The following SGCZ variants were observed in gnomAD, a reference collection of about 807,000 sequenced individuals.
SGCZ encodes zeta-sarcoglycan.
SGCZ carries 40 observed loss-of-function variants against 41.3 expected under a neutral mutation model. The ratio of observed to expected loss-of-function variants is 0.97; its 90% CI spans 0.75 to 1.26. The LOEUF is 1.26. SGCZ is among the 50% of genes most tolerant of loss of function. The pLI, the probability that SGCZ is intolerant of heterozygous loss-of-function variation, is 0.00. For missense variants in SGCZ, 552 were observed against 369.8 expected (o/e 1.49, Z -4.04); for synonymous variants, 206 against 137.5 (o/e 1.50, Z -3.49).
chr8:15,050,216 A>G (rs908575150), intron 1 of SGCZ, among the ~76,000 whole-genome samples: 1 of 152,208 alleles, frequency 6.6e-6, no homozygotes, highest in African/African-American at 2.4e-5. Flanking sequence ...TGATGGTACC[A>G]TATGTAGGCA....
At chr8:14,479,727 A>ATTTCTTTT (rs1244101937) in intron 2 of SGCZ, among the ~76,000 whole-genome samples, 2 of 109,390 alleles carry the variant, frequency 1.8e-5, no homozygotes, top group Admixed American at 2.1e-4. Flanking sequence ...CCAGAATTCT[A>ATTTCTTTT]CTTCTTTTTT....
At chr8:15,112,298 ATTTGT>A (rs1182056105) in intron 1 of SGCZ, among the ~76,000 whole-genome samples, 1 of 152,206 alleles carries the variant, frequency 6.6e-6, no homozygotes, top group African/African-American at 2.4e-5. Context: ...TGCTATTTAA[ATTTGT>A]TTTATCTTCA....
At chr8:15,176,151 C>G (rs945200685) in intron 1 of SGCZ, among the ~76,000 whole-genome samples, 6 of 152,066 alleles carry the variant, frequency 3.9e-5, no homozygotes, top group African/African-American at 1.4e-4. Context: ...TCTTACACAC[C>G]AAACTCAAAG....
chr8:15,140,219 C>A (rs1808270496), intron 1 of SGCZ, among the ~76,000 whole-genome samples: 1 of 152,012 alleles, frequency 6.6e-6, no homozygotes, highest in Non-Finnish European at 1.5e-5. Context: ...GACAAAGGGC[C>A]TCTCTTTATT....
chr8:14,834,794 G>C (rs145639654), intron 1 of SGCZ, among the ~76,000 whole-genome samples: 19 of 152,274 alleles, frequency 1.2e-4, no homozygotes, highest in Middle Eastern at 3.4e-3. Context: ...AAAGAGCACA[G>C]AACTTTGTGA....
chr8:14,542,640 A>G (rs1176823815), intron 2 of SGCZ, among the ~76,000 whole-genome samples: 2 of 152,080 alleles, frequency 1.3e-5, no homozygotes, highest in African/African-American at 4.8e-5. Context: ...CTCTTAAACC[A>G]AATTGGTGTT....
Position 14,741,338 on chromosome 8 carries a change from CTG to C in SGCZ, c.40-186414_40-186413del, listed in dbSNP as rs990565920. On this transcript the variant is annotated intron_variant, in intron 1 of 7. Transcript: ENST00000382080. ...ACCAAGAAATAAGTGACTGATTTTA[CTG>C]TGTTTGCATTTACAGTAGATCCTCA... Among the ~76,000 whole-genome samples, 17 of 152,130 alleles carry C rather than the reference CTG, an allele frequency of 1.1e-4. No homozygotes were observed. In the East Asian group the frequency reaches 1.2e-3, roughly 10 times the overall value.
intron 4 of SGCZ, among the ~76,000 whole-genome samples, chr8:14,170,236 A>T (rs1167111194): frequency 6.6e-6 from 1 of 152,118 alleles, no homozygotes; most frequent in Non-Finnish European, 1.5e-5. Context: ...AAAAGAAAAA[A>T]TATGCTCTAG....
intron 6 of SGCZ, among the ~76,000 whole-genome samples, chr8:14,106,183 C>T (rs1325221555): frequency 6.6e-6 from 1 of 152,186 alleles, no homozygotes; most frequent in African/African-American, 2.4e-5. Context: ...GATAACAGTG[C>T]TGGCTGCTAC....
chr8:14,657,887 A>G lies in SGCZ; in HGVS notation c.40-102961T>C, dbSNP rs139824310. ...TAATATGTAAAATATTCTTATCCTA[A>G]TAAGAATCAGGCTTTGGATTTCAAA... On this transcript the variant is annotated intron_variant, in intron 1 of 7. Transcript: ENST00000382080. 6.7e-3 allele frequency among the ~76,000 whole-genome samples: 1,020 copies of G among 152,308 alleles called. 10 individuals are homozygous for G. Among genetic ancestry groups the G allele is most frequent in the Middle Eastern group, 0.027 (8 of 294 alleles).
intron 1 of SGCZ, among the ~76,000 whole-genome samples, chr8:14,776,723 G>A (rs1265911995): frequency 6.6e-6 from 1 of 151,796 alleles, no homozygotes; most frequent in Non-Finnish European, 1.5e-5. Context: ...TCCATCTCCT[G>A]ACCTTGTGAC....
chr8:14,297,565 C>A (rs1801057244), intron 3 of SGCZ, among the ~76,000 whole-genome samples: 1 of 151,214 alleles, frequency 6.6e-6, no homozygotes. Context: ...AGAATAAAAG[C>A]AAAGACAATA....
chr8:14,262,045 A>G (rs1563219940), intron 3 of SGCZ, among the ~76,000 whole-genome samples: 1 of 152,202 alleles, frequency 6.6e-6, no homozygotes, highest in Non-Finnish European at 1.5e-5. Context: ...ATCAGAGGAT[A>G]CAGTATAGTT....
intron 1 of SGCZ, among the ~76,000 whole-genome samples, chr8:15,150,571 T>A (rs1159907287): frequency 1.3e-5 from 2 of 152,164 alleles, no homozygotes; most frequent in African/African-American, 4.8e-5. Flanking sequence ...TATAAAGCAA[T>A]TGAAGTCGGT....
chr8:14,812,447 G>T (rs184032874), intron 1 of SGCZ, among the ~76,000 whole-genome samples: 1 of 152,024 alleles, frequency 6.6e-6, no homozygotes, highest in Non-Finnish European at 1.5e-5. Context: ...TTGTCAACAA[G>T]GTAAAACACA....
chr8:15,099,238 G>C (rs529159188), intron 1 of SGCZ, among the ~76,000 whole-genome samples: 12 of 152,182 alleles, frequency 7.9e-5, no homozygotes, highest in African/African-American at 2.9e-4. Flanking sequence ...ATAAGACATT[G>C]AACATAAAAA....
At chr8:14,916,158 A>T (rs913101248) in intron 1 of SGCZ, among the ~76,000 whole-genome samples, 3 of 152,216 alleles carry the variant, frequency 2.0e-5, no homozygotes, top group African/African-American at 7.2e-5. Flanking sequence ...CAGTTTTAAA[A>T]ATGCATTCTA....
chr8:14,574,794 T>C (rs1343845330), intron 1 of SGCZ, among the ~76,000 whole-genome samples: 1 of 152,056 alleles, frequency 6.6e-6, no homozygotes, highest in Non-Finnish European at 1.5e-5. Flanking sequence ...AAGGAAAGAA[T>C]TTACCCACTA....
At chr8:14,241,628 G>T (rs1798896732) in intron 3 of SGCZ, among the ~76,000 whole-genome samples, 1 of 151,566 alleles carries the variant, frequency 6.6e-6, no homozygotes, top group African/African-American at 2.4e-5. Flanking sequence ...CAGAAATAAG[G>T]TATCTCATGG....
Sources: allele counts gnomAD v4.1 joint callset (sites outside exome capture counted in the v4.1 genomes callset), GRCh38; gene constraint gnomAD v4.1.1; transcripts MANE v1.5; gene names NCBI Gene and HGNC (gene_info 2026-07-23, HGNC 2026-07-21).